Variants in CCNT2 observed in about 807,000 individuals in gnomAD.
The protein encoded by CCNT2 is cyclin-T2.
A neutral mutation model predicts 70.0 loss-of-function variants in CCNT2; 18 were observed. The ratio of observed to expected loss-of-function variants is 0.26; its 90% CI spans 0.18 to 0.38. The LOEUF (loss-of-function observed/expected upper bound fraction) is 0.38, where lower values mean the gene tolerates loss of function less well. Ranked by LOEUF, CCNT2 falls within the 10% of genes least tolerant of loss-of-function variation. The pLI, the probability that CCNT2 is intolerant of heterozygous loss-of-function variation, is 1.00. For missense variants in CCNT2, 734 were observed against 890.2 expected, an observed-to-expected ratio of 0.82 and a Z score of 2.23; for synonymous variants, 334 against 313.3, an observed-to-expected ratio of 1.07 and a Z score of -0.70.
intron 2 of CCNT2, among the ~76,000 whole-genome samples, chr2:134,920,725 A>G (rs1679837489): frequency 1.3e-5 from 2 of 152,198 alleles, no homozygotes; most frequent in African/African-American, 4.8e-5. Context: ...TTATTTTTAG[A>G]ATATTATTCT....
rs1369477933 is a variant in CCNT2, at chr2:134,959,121, G to T, written c.*4473G>T. 1 of 151,876 alleles carries T rather than the reference G, an allele frequency of 6.6e-6. No homozygotes were observed. The highest frequency in any genetic ancestry group is 1.5e-5 in the Non-Finnish European group (1 of 67,978). 9.4% of individuals were successfully genotyped at this position (151,876 alleles called of 1,614,324 possible). On this transcript the variant is annotated 3_prime_UTR_variant, in exon 9 of 9. Transcript: ENST00000264157. ...TAATTTTAAGGTATGTTTTTTTCAA[G>T]CAGCTTCATTTTATTAGGAAAAATA...
intron 2 of CCNT2, among the ~76,000 whole-genome samples, chr2:134,929,838 G>A (rs10454737): frequency 0.35 from 52,572 of 150,834 alleles, 9,946 homozygotes; most frequent in Middle Eastern, 0.67. Flanking sequence ...TTTAGTAATG[G>A]CAGGGTTTTA....
chr2:134,937,500 A>G (rs925713034), intron 3 of CCNT2, among the ~76,000 whole-genome samples: 5 of 152,116 alleles, frequency 3.3e-5, no homozygotes, highest in African/African-American at 1.2e-4. Flanking sequence ...TCCTAGAGTA[A>G]TGTTCCTTTC....
chr2:134,926,115 C>G (rs1324323762), intron 2 of CCNT2, among the ~76,000 whole-genome samples: 2 of 152,104 alleles, frequency 1.3e-5, no homozygotes, highest in African/African-American at 4.8e-5. Context: ...GTCCTCCTGC[C>G]TCAGCCTCCC....
At chr2:134,945,641 TG>T (rs1366787727) in intron 5 of CCNT2, 1 of 1,210,454 alleles carries the variant, frequency 8.3e-7, no homozygotes, top group African/African-American at 1.6e-5. Context: ...TTTTGTGGGG[TG>T]GGGGTTTGTT....
chr2:134,939,284 C>T (rs1296299582), intron 4 of CCNT2, among the ~76,000 whole-genome samples: 1 of 152,016 alleles, frequency 6.6e-6, no homozygotes, highest in African/African-American at 2.4e-5. Context: ...AGTATGATTT[C>T]TTAGGTTTTC....
At chr2:134,938,933 T>C (rs910779961) in intron 3 of CCNT2, 69 bp from the exon 4 acceptor site, 1 of 964,342 alleles carries the variant, frequency 1.0e-6, no homozygotes, top group Non-Finnish European at 1.6e-6. Context: ...TCTCACAAGA[T>C]GTAACAGTCA....
intron 2 of CCNT2, among the ~76,000 whole-genome samples, chr2:134,932,197 T>C (rs1198872261): frequency 6.6e-6 from 1 of 151,894 alleles, no homozygotes; most frequent in Non-Finnish European, 1.5e-5. Flanking sequence ...TGTGTTAATC[T>C]TGAACTCCTG....
chr2:134,936,957 T>A lies in CCNT2; in HGVS notation c.357T>A (p.Asp119Glu), dbSNP rs1681198487. The part of the protein sequence containing the change: ...ACLHPLEPLL[D>E]TKCDAYLQQT... ...TTCATCCTCTAGAGCCACTGCTGGATACTAAATGTGATGTATGTAAATACT... is the reference window on the plus strand; with the variant it reads ...TTCATCCTCTAGAGCCACTGCTGGAAACTAAATGTGATGTATGTAAATACT... The change falls in exon 3 of 9, where the codon GAT (aspartate) becomes GAA (glutamate). Residue 119 changes from aspartate (D) to glutamate (E), a missense_variant. Asp to Glu is a conservative substitution (Grantham distance 45). Coordinates refer to ENST00000264157, the MANE Select transcript of CCNT2 (RefSeq NM_058241.3). The A allele has an allele frequency of 3.1e-6, 5 of 1,607,936 alleles. No individual in the cohort carries two copies. The highest frequency in any genetic ancestry group is 4.3e-6 in the Non-Finnish European group (5 of 1,175,864).
At chr2:134,935,176 C>T (rs1166580815) in intron 2 of CCNT2, among the ~76,000 whole-genome samples, 2 of 152,168 alleles carry the variant, frequency 1.3e-5, no homozygotes, top group Non-Finnish European at 2.9e-5. Context: ...TGAGCATTCT[C>T]AATTTTTCTA....
At chr2:134,937,873 C>G (rs1681279616) in intron 3 of CCNT2, among the ~76,000 whole-genome samples, 1 of 152,140 alleles carries the variant, frequency 6.6e-6, no homozygotes, top group Admixed American at 6.5e-5. Flanking sequence ...GAGATCGTGC[C>G]ATTGCACTCT....
Position 134,954,466 on chromosome 2 carries a change from CCT to C in CCNT2, c.2012_2013del (p.Pro671ArgfsTer27), listed in dbSNP as rs768722965. On this transcript the variant is annotated frameshift_variant, in exon 9 of 9. Transcript: ENST00000264157. LOFTEE classifies it high-confidence loss of function. Reference protein sequence around the residue: ...VFNHPLPPPPPVTYQVGYGHL... With the variant: ...VFNHPLPPPPXVTYQVGYGHL... ...TAACCATCCCTTACCCCCTCCTCCC[CCT>C]GTCACATACCAGGTGGGCTACGGAC... 1.9e-6 allele frequency: 3 copies of C among 1,614,208 alleles called. No homozygotes were observed. Among genetic ancestry groups the C allele is most frequent in the East Asian group, 2.2e-5 (1 of 44,886 alleles).
At chr2:134,931,289 G>GTTTTTTTTTTTTTTTTTTTTTTTTT (rs1449427550) in intron 2 of CCNT2, among the ~76,000 whole-genome samples, 3 of 52,860 alleles carry the variant, frequency 5.7e-5, no homozygotes, top group Admixed American at 5.4e-4. Flanking sequence ...TTTTTTTTTG[G>GTTTTTTTTTTTTTTTTTTTTTTTTT]TATTTGAATA....
Position 134,936,957 on chromosome 2 carries a change from T to C in CCNT2, c.357T>C (p.Asp119=). The C allele has an allele frequency of 6.2e-7, 1 of 1,607,936 alleles. No homozygotes were observed. The highest frequency in any genetic ancestry group is 1.3e-5 in the African/African-American group (1 of 74,834). Residue 119 remains aspartate (D), a synonymous_variant, in exon 3 of 9, where the codon GAT becomes GAC. Coordinates refer to ENST00000264157, the MANE Select transcript of CCNT2 (RefSeq NM_058241.3). ...ACLHPLEPLL[D]TKCDAYLQQT... is the part of the protein sequence containing the mutation. ...TTCATCCTCTAGAGCCACTGCTGGA[T>C]ACTAAATGTGATGTATGTAAATACT...
Position 134,959,193 on chromosome 2 carries a change from A to G in CCNT2, c.*4545A>G, listed in dbSNP as rs1054267295. 2 of 151,746 alleles carry G rather than the reference A, an allele frequency of 1.3e-5. No homozygotes were observed. Among genetic ancestry groups the G allele is most frequent in the Non-Finnish European group, 2.9e-5 (2 of 67,962 alleles). The allele number at this position is 151,746 out of a possible 1,614,324, so 9.4% of individuals were successfully genotyped here. ...GTGATTGTGGGGTTTCATTTTCTGAATGTACTCAAAACTCCCAACAACAAT... is the reference window on the plus strand; with the variant it reads ...GTGATTGTGGGGTTTCATTTTCTGAGTGTACTCAAAACTCCCAACAACAAT... On this transcript the variant is annotated 3_prime_UTR_variant, in exon 9 of 9. Coordinates refer to ENST00000264157, the MANE Select transcript of CCNT2 (RefSeq NM_058241.3).
chr2:134,925,160 T>G (rs1380009807), intron 2 of CCNT2, among the ~76,000 whole-genome samples: 1 of 152,216 alleles, frequency 6.6e-6, no homozygotes, highest in African/African-American at 2.4e-5. Context: ...CTGCTGATAT[T>G]CAATGCCTGG....
At position 134,939,658 on chromosome 2, in the gene CCNT2, G is replaced by A. The variant is rs1157484163; in HGVS notation, c.430+596G>A. ...TTTTTTGTAATTTAGTAGAGACGGG[G>A]TTTCACCGTGTTGCCCAGGCTGGAC... On this transcript the variant is annotated intron_variant, in intron 4 of 8. Transcript: ENST00000264157. Among the ~76,000 whole-genome samples, 3 of 152,098 alleles carry A rather than the reference G, an allele frequency of 2.0e-5. No homozygotes were observed. In the South Asian group the frequency reaches 6.2e-4, roughly 32 times the overall value.
intron 5 of CCNT2, 140 bp from the exon 6 acceptor site, chr2:134,945,961 G>C: frequency 6.4e-7 from 1 of 1,562,320 alleles, no homozygotes; most frequent in Non-Finnish European, 8.7e-7. Flanking sequence ...AAATGATGGC[G>C]CTCTTGTGAT....
intron 2 of CCNT2, among the ~76,000 whole-genome samples, chr2:134,929,723 C>T (rs368347326): frequency 4.7e-5 from 7 of 149,346 alleles, no homozygotes; most frequent in Admixed American, 2.0e-4. Flanking sequence ...AATCTCAGCT[C>T]GCTCCAGCCT....
Sources: allele counts gnomAD v4.1 joint callset (sites outside exome capture counted in the v4.1 genomes callset), GRCh38; gene constraint gnomAD v4.1.1; transcripts MANE v1.5; gene names NCBI Gene and HGNC (gene_info 2026-07-23, HGNC 2026-07-21).